KCNQ1: variants seen among roughly 807,000 people sequenced by gnomAD.
The protein encoded by KCNQ1 is potassium voltage-gated channel subfamily Q member 1.
A neutral mutation model predicts 72.4 loss-of-function variants in KCNQ1; 49 were observed. The ratio of observed to expected loss-of-function variants is 0.68; its 90% CI spans 0.54 to 0.86. KCNQ1 has a LOEUF of 0.86. Ranked by LOEUF, KCNQ1 falls within the 40% of genes least tolerant of loss-of-function variation. The pLI is 0.00. For synonymous variants in KCNQ1, 450 were observed against 412.6 expected (o/e 1.09, Z -1.10); for missense variants, 790 against 945.1 (o/e 0.84, Z 2.15).
rs371600220 is a variant in KCNQ1 at position 2,446,745 on chromosome 11, C to T, written c.386+1261C>T. On this transcript the variant is annotated intron_variant, in intron 1 of 15. Coordinates refer to ENST00000155840, the MANE Select transcript of KCNQ1 (RefSeq NM_000218.3). This position sits in a 1 kb window ranked among gnomAD's most constrained non-coding sequence, Gnocchi z 8.8. ...GGGGGTGATCTTGGAGACTTTTCCC[C>T]ACCCCAGCTCCCAAGCCCCTGTCTC... Among the ~76,000 whole-genome samples, 146 of 152,324 alleles carry T rather than the reference C, an allele frequency of 9.6e-4. No individual in the cohort carries two copies. Among genetic ancestry groups the T allele is most frequent in the African/African-American group, 3.2e-3 (134 of 41,580 alleles).
intron 1 of KCNQ1, among the ~76,000 whole-genome samples, chr11:2,496,249 A>G (rs890132853): frequency 2.0e-5 from 3 of 151,950 alleles, no homozygotes; most frequent in Non-Finnish European, 4.4e-5. Flanking sequence ...ATCCTGGCTA[A>G]CACGATGAAA....
rs1275666342 is a variant in KCNQ1, at chr11:2,848,039, AG to A, written c.*40del. On this transcript the variant is annotated 3_prime_UTR_variant, in exon 16 of 16. Coordinates refer to ENST00000155840, the MANE Select transcript of KCNQ1 (RefSeq NM_000218.3). ...GGGCTGGGGGATGGGCCTGAGTGAG[AG>A]GGGAGGCCAAGAGTGGCCCCACCTG... 1.3e-6 allele frequency: 2 copies of A among 1,509,374 alleles called. No homozygotes were observed. The highest frequency in any genetic ancestry group is 1.9e-4 in the Middle Eastern group (1 of 5,296). The allele number at this position is 1,509,374 out of a possible 1,614,324, so 93.5% of individuals were successfully genotyped here.
In KCNQ1 at chr11:2,782,865, G is replaced by A. The variant is rs973376941; in HGVS notation, c.1794+4828G>A. On this transcript the variant is annotated intron_variant, in intron 15 of 15. Transcript: ENST00000155840. The surrounding 1 kb of genome is among the most constrained non-coding windows in gnomAD (Gnocchi z 6.1). ...ATTCCCCTGTCTTATTAAATGTTTC[G>A]TGGACTTCTGGCTTTGCTGATCCTC... 1.8e-4 allele frequency among the ~76,000 whole-genome samples: 27 copies of A among 152,006 alleles called. No homozygotes were observed. The highest frequency in any genetic ancestry group is 3.4e-3 in the Middle Eastern group (1 of 294).
In KCNQ1 at chr11:2,647,476, C is replaced by T. The variant is rs1849684314; in HGVS notation, c.1394-14485C>T. 2.5e-6 allele frequency: 1 copy of T among 398,394 alleles called. No homozygotes were observed. Among genetic ancestry groups the T allele is most frequent in the African/African-American group, 2.1e-5 (1 of 48,682 alleles). The allele number at this position is 398,394 out of a possible 1,614,324, so 24.7% of individuals were successfully genotyped here. On this transcript the variant is annotated intron_variant, in intron 10 of 15. Transcript: ENST00000155840. This position sits in a 1 kb window ranked among gnomAD's most constrained non-coding sequence, Gnocchi z 4.0. ...GTTTTCTTTTTTGCTGTTATTGTGT[C>T]CTTATCTGGTTTTGGTATCAAGATA... is the stretch of plus-strand genomic sequence containing the variant.
At chr11:2,576,116 A>C (rs987101276) in intron 6 of KCNQ1, among the ~76,000 whole-genome samples, 4 of 152,322 alleles carry the variant, frequency 2.6e-5, no homozygotes, top group South Asian at 2.1e-4. Flanking sequence ...GCCTATTTCC[A>C]AATATCGCAT....
At chr11:2,753,302 G>A (rs898116426) in intron 11 of KCNQ1, among the ~76,000 whole-genome samples, 1 of 152,180 alleles carries the variant, frequency 6.6e-6, no homozygotes, top group African/African-American at 2.4e-5. Context: ...GGGTGAGGCT[G>A]GAGCCCAAAT....
At chr11:2,496,022 T>C (rs1846908685) in intron 1 of KCNQ1, among the ~76,000 whole-genome samples, 1 of 152,212 alleles carries the variant, frequency 6.6e-6, no homozygotes, top group South Asian at 2.1e-4. Flanking sequence ...TAGGTGCTCC[T>C]GTATTGGGTG....
intron 11 of KCNQ1, among the ~76,000 whole-genome samples, chr11:2,714,907 C>T (rs1329909537): frequency 6.6e-6 from 1 of 151,932 alleles, no homozygotes; most frequent in African/African-American, 2.4e-5. Context: ...CACATGCTCT[C>T]CAGCTCGTCA....
chr11:2,655,531 C>A (rs1026495236), intron 10 of KCNQ1: 11 of 398,586 alleles, frequency 2.8e-5, no homozygotes, highest in Middle Eastern at 6.2e-4. Flanking sequence ...ATGGGCTCAA[C>A]CTTCTCTGCA....
At chr11:2,810,359 G>A (rs1372698628) in intron 15 of KCNQ1, among the ~76,000 whole-genome samples, 1 of 152,178 alleles carries the variant, frequency 6.6e-6, no homozygotes, top group East Asian at 1.9e-4. Context: ...CATCATGGAG[G>A]CCACCATCTC....
At position 2,620,489 on chromosome 11, in the gene KCNQ1, T is replaced by C; in HGVS notation, c.1393+31635T>C. Reference sequence around the variant, plus strand: ...CCTTGGCCTCCCAAAGTGCTGGGATTACAGGTGAGAGCTACCGCACCTGGC... The same window carrying C: ...CCTTGGCCTCCCAAAGTGCTGGGATCACAGGTGAGAGCTACCGCACCTGGC... On this transcript the variant is annotated intron_variant, in intron 10 of 15. Transcript: ENST00000155840. The surrounding 1 kb of genome is among the most constrained non-coding windows in gnomAD (Gnocchi z 4.5). 2 of 356,852 alleles carry C rather than the reference T, an allele frequency of 5.6e-6. No homozygotes were observed. Among genetic ancestry groups the C allele is most frequent in the Non-Finnish European group, 1.0e-5 (2 of 200,818 alleles). The allele number at this position is 356,852 out of a possible 1,614,324, so 22.1% of individuals were successfully genotyped here. A position where few individuals can be genotyped will look rare whatever the true frequency, so the allele number is the denominator to read the frequency against.
Position 2,673,458 on chromosome 11 carries a change from C to T in KCNQ1, c.1514+11377C>T, listed in dbSNP as rs977140406. 32 of 398,510 alleles carry T rather than the reference C, an allele frequency of 8.0e-5. No homozygotes were observed. Among genetic ancestry groups the T allele is most frequent in the Admixed American group, 2.2e-4 (5 of 22,720 alleles). The allele number at this position is 398,510 out of a possible 1,614,324, so 24.7% of individuals were successfully genotyped here. A position where few individuals can be genotyped will look rare whatever the true frequency, so the allele number is the denominator to read the frequency against. On this transcript the variant is annotated intron_variant, in intron 11 of 15. Coordinates refer to ENST00000155840, the MANE Select transcript of KCNQ1 (RefSeq NM_000218.3). This position sits in a 1 kb window ranked among gnomAD's most constrained non-coding sequence, Gnocchi z 4.5. ...AACTTGGTGTTGGGCCTCCTTGAGC[C>T]GGAACACCTGAAAAGCCATACAGAC...
chr11:2,793,608 AG>A (rs777084806), intron 15 of KCNQ1, among the ~76,000 whole-genome samples: 5 of 152,206 alleles, frequency 3.3e-5, no homozygotes, highest in Non-Finnish European at 5.9e-5. Flanking sequence ...TGGGCAACAC[AG>A]TGAGATCCTA....
In KCNQ1 at chr11:2,654,633, T is replaced by C. The variant is rs1411432649; in HGVS notation, c.1394-7328T>C. 4 of 398,698 alleles carry C rather than the reference T, an allele frequency of 1.0e-5. No individual in the cohort carries two copies. In the East Asian group the frequency reaches 1.1e-4, roughly 11 times the overall value. The allele number at this position is 398,698 out of a possible 1,614,324, so 24.7% of individuals were successfully genotyped here. On this transcript the variant is annotated intron_variant, in intron 10 of 15. Transcript: ENST00000155840. This position sits in a 1 kb window ranked among gnomAD's most constrained non-coding sequence, Gnocchi z 6.4. ...AAGTTACTAGGAAGGGCCCAGACAC[T>C]GGCGAGAGTCTCTTGAGGGCAGAGG... is the stretch of plus-strand genomic sequence containing the variant.
intron 6 of KCNQ1, among the ~76,000 whole-genome samples, chr11:2,574,913 C>T (rs1332987594): frequency 1.3e-5 from 2 of 152,310 alleles, no homozygotes; most frequent in East Asian, 3.9e-4. Flanking sequence ...GGCAGCAGGG[C>T]CCAGCCCCCC....
chr11:2,835,642 C>T (rs939040136), intron 15 of KCNQ1, among the ~76,000 whole-genome samples: 1 of 152,206 alleles, frequency 6.6e-6, no homozygotes, highest in Non-Finnish European at 1.5e-5. Context: ...GGCAGCACCA[C>T]AGCGACGAGG....
rs910495408 is a variant in KCNQ1, at chr11:2,562,367, C to T, written c.478-8261C>T. On this transcript the variant is annotated intron_variant, in intron 2 of 15. Coordinates refer to ENST00000155840, the MANE Select transcript of KCNQ1 (RefSeq NM_000218.3). This position sits in a 1 kb window ranked among gnomAD's most constrained non-coding sequence, Gnocchi z 7.5. ...AAGGGCGCTTTGAGCTGCCTGAGTG[C>T]CTGCATTGCCCTCCGGCCAGCTGAC... Among the ~76,000 whole-genome samples, 1 of 152,168 alleles carries T rather than the reference C, an allele frequency of 6.6e-6. No homozygotes were observed. Among genetic ancestry groups the T allele is most frequent in the African/African-American group, 2.4e-5 (1 of 41,442 alleles).
At chr11:2,799,462 G>A (rs536316534) in intron 15 of KCNQ1, among the ~76,000 whole-genome samples, 1 of 152,052 alleles carries the variant, frequency 6.6e-6, no homozygotes, top group East Asian at 1.9e-4. Flanking sequence ...GTGTGGTGTG[G>A]TGTGTTTGTA....
At position 2,652,115 on chromosome 11, in the gene KCNQ1, G is replaced by A. The variant is rs1016405522; in HGVS notation, c.1394-9846G>A. 1 of 398,584 alleles carries A rather than the reference G, an allele frequency of 2.5e-6. No homozygotes were observed. Among genetic ancestry groups the A allele is most frequent in the African/African-American group, 2.1e-5 (1 of 48,618 alleles). 24.7% of individuals were successfully genotyped at this position (398,584 alleles called of 1,614,324 possible). ...GCCCCAGTTCTGGCCTGGCTGGGAGGTGGCCTGGGAAGGGACCTGTGTTTC... is the reference window on the plus strand; with the variant it reads ...GCCCCAGTTCTGGCCTGGCTGGGAGATGGCCTGGGAAGGGACCTGTGTTTC... On this transcript the variant is annotated intron_variant, in intron 10 of 15. Coordinates refer to ENST00000155840, the MANE Select transcript of KCNQ1 (RefSeq NM_000218.3). The surrounding 1 kb of genome is among the most constrained non-coding windows in gnomAD (Gnocchi z 5.9).
Sources: allele counts gnomAD v4.1 joint callset (sites outside exome capture counted in the v4.1 genomes callset), GRCh38; gene constraint gnomAD v4.1.1; non-coding constraint Gnocchi (gnomAD v3.1); transcripts MANE v1.5; gene names NCBI Gene and HGNC (gene_info 2026-07-23, HGNC 2026-07-21).